BATF2: variants seen among roughly 807,000 people sequenced by gnomAD.
BATF2 encodes the protein basic leucine zipper transcriptional factor ATF-like 2.
A neutral mutation model predicts 7.3 loss-of-function variants in BATF2; 4 were observed. That is an observed-to-expected ratio of 0.55 (90% confidence interval 0.27 to 1.26). The LOEUF is 1.26. Ranked by LOEUF, BATF2 falls within the 50% of genes most tolerant of loss-of-function variation. The pLI is 0.11. For synonymous variants in BATF2, 152 were observed against 153.9 expected (o/e 0.99, Z 0.09); for missense variants, 295 against 340.5 (o/e 0.87, Z 1.05).
intron 2 of BATF2, chr11:64,990,445 G>A: frequency 6.9e-6 from 9 of 1,303,146 alleles, no homozygotes; most frequent in Non-Finnish European, 8.9e-6. Context: ...CTGCCCTTTT[G>A]AGGGCCCAGA....
chr11:64,994,436 G>A lies in BATF2; in HGVS notation c.141+12C>T. ...GCCAGAGACAAGGAAAGGGGTTAGG[G>A]GTTGTCCACACCTGGTGCAGGGCGT... is the stretch of plus-strand genomic sequence containing the variant. On this transcript the variant is annotated intron_variant, in intron 2 of 2. Transcript: ENST00000301887. 1.9e-6 allele frequency: 3 copies of A among 1,565,160 alleles called. No homozygotes were observed. Among genetic ancestry groups the A allele is most frequent in the Non-Finnish European group, 1.7e-6 (2 of 1,154,172 alleles).
At position 64,994,472 on chromosome 11, in the gene BATF2, T is replaced by A. The variant is rs372351542; in HGVS notation, c.117A>T (p.Thr39=). 24 of 1,595,746 alleles carry A rather than the reference T, an allele frequency of 1.5e-5. No individual in the cohort carries two copies. Among genetic ancestry groups the A allele is most frequent in the Non-Finnish European group, 2.0e-5 (24 of 1,171,134 alleles). The change falls in exon 2 of 3, where the codon ACA becomes ACT. Residue 39 remains threonine (T), a synonymous_variant. Coordinates refer to ENST00000301887, the MANE Select transcript of BATF2 (RefSeq NM_138456.4). ...AAAQRSRQKH[T]DKADALHQQH... ...CCTGGTGCAGGGCGTCTGCCTTGTC[T>A]GTGTGCTTCTGCCGGCTTCGCTGGG...
At chr11:64,990,200 C>G in intron 2 of BATF2, 6 of 1,535,680 alleles carry the variant, frequency 3.9e-6, no homozygotes, top group Non-Finnish European at 5.2e-6. Context: ...CACCAAATTC[C>G]CTGTGGTAGA....
intron 2 of BATF2, chr11:64,990,101 T>C (rs1349716079): frequency 6.5e-7 from 1 of 1,535,790 alleles, no homozygotes; most frequent in East Asian, 2.4e-5. Context: ...CTCCAACCCG[T>C]GTGTCCCCCA....
rs957544561 is a variant in BATF2 at position 64,988,334 on chromosome 11, T to C, written c.*795A>G. ...CCTTGCACAGGGTCCTTCCTCATTC[T>C]TTCCTCTTCCTTTTTGTTTATGAGA... On this transcript the variant is annotated 3_prime_UTR_variant, in exon 3 of 3. Transcript: ENST00000301887. The C allele has an allele frequency of 6.6e-6, 1 of 152,336 alleles. No individual in the cohort carries two copies. Among genetic ancestry groups the C allele is most frequent in the African/African-American group, 2.4e-5 (1 of 41,458 alleles). The allele number at this position is 152,336 out of a possible 1,614,324, so 9.4% of individuals were successfully genotyped here.
chr11:64,994,993 C>T (rs1946100758), intron 1 of BATF2, among the ~76,000 whole-genome samples: 1 of 152,060 alleles, frequency 6.6e-6, no homozygotes. Flanking sequence ...GGACTACAGG[C>T]ACCTGCCACC....
intron 1 of BATF2, among the ~76,000 whole-genome samples, chr11:64,995,075 G>A (rs1202221719): frequency 6.6e-6 from 1 of 151,878 alleles, no homozygotes; most frequent in Non-Finnish European, 1.5e-5. Context: ...TCTCAAACTG[G>A]TCTTGAACTC....
chr11:64,990,475 G>A, intron 2 of BATF2: 1 of 1,245,026 alleles, frequency 8.0e-7, no homozygotes, highest in Non-Finnish European at 1.0e-6. Flanking sequence ...TACGAGCACT[G>A]TGGGAGGATT....
intron 2 of BATF2, among the ~76,000 whole-genome samples, chr11:64,992,608 C>T (rs573063794): frequency 6.6e-6 from 1 of 152,150 alleles, no homozygotes; most frequent in African/African-American, 2.4e-5. Flanking sequence ...AGCCTGTAAT[C>T]CCAGCACTTT....
Position 64,989,781 on chromosome 11 carries a change from G to T in BATF2, c.173C>A (p.Ala58Asp). 1 of 1,613,944 alleles carries T rather than the reference G, an allele frequency of 6.2e-7. No individual in the cohort carries two copies. ...QHESLEKDNL[A>D]LRKEIQSLQA... Reference sequence around the variant, plus strand: ...CAGGGACTGGATCTCCTTCCGCAGGGCGAGGTTGTCTTTTTCCAGAGACTC... The same window carrying T: ...CAGGGACTGGATCTCCTTCCGCAGGTCGAGGTTGTCTTTTTCCAGAGACTC... Residue 58 changes from alanine (A) to aspartate (D), a missense_variant, in exon 3 of 3, where the codon GCC (alanine) becomes GAC (aspartate). Transcript: ENST00000301887. This position sits in a 1 kb window ranked among gnomAD's most constrained non-coding sequence, Gnocchi z 4.3.
chr11:64,995,797 T>A (rs1021402474), intron 1 of BATF2, among the ~76,000 whole-genome samples: 14 of 151,864 alleles, frequency 9.2e-5, no homozygotes, highest in African/African-American at 3.4e-4. Flanking sequence ...CTCCATATGC[T>A]CCCTTGGGCC....
intron 1 of BATF2, 51 bp from the exon 2 acceptor site, chr11:64,994,600 C>T (rs1054547973): frequency 2.0e-6 from 3 of 1,517,950 alleles, no homozygotes; most frequent in Admixed American, 3.9e-5. Context: ...GCCTTGTGCC[C>T]TCCGTCCTGG....
Position 64,989,977 on chromosome 11 carries a change from C to A in BATF2, c.142-165G>T. The A allele has an allele frequency of 6.7e-7, 1 of 1,490,314 alleles. No homozygotes were observed. Among genetic ancestry groups the A allele is most frequent in the South Asian group, 1.2e-5 (1 of 82,854 alleles). The allele number at this position is 1,490,314 out of a possible 1,614,324, so 92.3% of individuals were successfully genotyped here. On this transcript the variant is annotated intron_variant, in intron 2 of 2. Coordinates refer to ENST00000301887, the MANE Select transcript of BATF2 (RefSeq NM_138456.4). The surrounding 1 kb of genome is among the most constrained non-coding windows in gnomAD (Gnocchi z 4.3). ...CACTCTCTGGCCAGCCCTTCATAAC[C>A]ACCTACCAAGTCTCCCCTGTCCCAC...
chr11:64,989,669 C>T lies in BATF2; in HGVS notation c.285G>A (p.Gly95=), dbSNP rs762352955. The T allele has an allele frequency of 1.9e-6, 3 of 1,613,584 alleles. No homozygotes were observed. The highest frequency in any genetic ancestry group is 2.5e-6 in the Non-Finnish European group (3 of 1,179,932). The change falls in exon 3 of 3, where the codon GGG becomes GGA. Residue 95 remains glycine, a synonymous_variant. Coordinates refer to ENST00000301887, the MANE Select transcript of BATF2 (RefSeq NM_138456.4). The surrounding 1 kb of genome is among the most constrained non-coding windows in gnomAD (Gnocchi z 4.3). ...CAGCCTGGTCCCAGCAGCCCAGGAG[C>T]CCTGGAGCTGAGCAGGAGGCACAAT... ...PMDCASCSAP[G]LLGCWDQAEG... is the part of the protein sequence containing the mutation.
Position 64,991,988 on chromosome 11 carries a change from C to T in BATF2, c.142-2176G>A, listed in dbSNP as rs563796666. 3.9e-5 allele frequency among the ~76,000 whole-genome samples: 6 copies of T among 152,250 alleles called. No individual in the cohort carries two copies. The East Asian group carries it at 7.7e-4, about 20-fold the overall frequency. Reference sequence around the variant, plus strand: ...TTCTTACCTTCATCCTCTGGGAAAACGCCCATTTGTCCTTAAGCTCAGGCT... The same window carrying T: ...TTCTTACCTTCATCCTCTGGGAAAATGCCCATTTGTCCTTAAGCTCAGGCT... On this transcript the variant is annotated intron_variant, in intron 2 of 2. Transcript: ENST00000301887.
chr11:64,991,807 G>A (rs1001486181), intron 2 of BATF2, among the ~76,000 whole-genome samples: 24 of 152,240 alleles, frequency 1.6e-4, no homozygotes, highest in Admixed American at 5.2e-4. Context: ...CCTGGCACAC[G>A]GGAGACGCTC....
intron 1 of BATF2, among the ~76,000 whole-genome samples, chr11:64,995,674 C>A (rs966404368): frequency 1.4e-4 from 22 of 152,184 alleles, no homozygotes; most frequent in Non-Finnish European, 2.1e-4. Context: ...TTGGAGAGCT[C>A]ACAGCCCAGC....
In BATF2 at chr11:64,989,808, T is replaced by C. The variant is rs770994377; in HGVS notation, c.146A>G (p.His49Arg). 8 of 1,613,620 alleles carry C rather than the reference T, an allele frequency of 5.0e-6. No individual in the cohort carries two copies. In the Admixed American group the frequency reaches 8.3e-5, roughly 17 times the overall value. Residue 49 changes from histidine to arginine, a missense_variant, in exon 3 of 3, where the codon CAC (histidine) becomes CGC (arginine). Physicochemically the swap from His to Arg is conservative, Grantham distance 29. Coordinates refer to ENST00000301887, the MANE Select transcript of BATF2 (RefSeq NM_138456.4). This position sits in a 1 kb window ranked among gnomAD's most constrained non-coding sequence, Gnocchi z 4.3. ...TDKADALHQQ[H>R]ESLEKDNLAL... ...GAGGTTGTCTTTTTCCAGAGACTCG[T>C]GCTGCTGCAGAGAAGCAGATGGGCG...
At position 64,989,572 on chromosome 11, in the gene BATF2, C is replaced by T. The variant is rs150388165; in HGVS notation, c.382G>A (p.Gly128Ser). The change falls in exon 3 of 3, where the codon GGT becomes AGT. Residue 128 changes from glycine to serine, a missense_variant. By Grantham distance (56) the Gly-to-Ser change is moderately conservative. Coordinates refer to ENST00000301887, the MANE Select transcript of BATF2 (RefSeq NM_138456.4). The surrounding 1 kb of genome is among the most constrained non-coding windows in gnomAD (Gnocchi z 4.3). ...REQLELFQTP[G>S]SCYPAQPLSP... is the part of the protein sequence containing the mutation. ...AGCGGCTGAGCTGGGTAACAGGAAC[C>T]CGGGGTCTGGAACAGCTCCAGCTGC... The T allele has an allele frequency of 1.1e-5, 17 of 1,591,292 alleles. No homozygotes were observed. The East Asian group carries it at 2.1e-4, about 19-fold the overall frequency.
Sources: gnomAD v4.1 joint callset for allele counts (sites outside exome capture counted in the v4.1 genomes callset) on GRCh38, gnomAD v4.1.1 for gene constraint, Gnocchi (gnomAD v3.1) non-coding constraint, MANE v1.5 for transcripts, NCBI Gene and HGNC (gene_info 2026-07-23, HGNC 2026-07-21) for gene names.